Variants in SLC12A4 observed in about 807,000 individuals in gnomAD.
SLC12A4 encodes the protein electroneutral potassium-chloride cotransporter 1.
A neutral mutation model predicts 119.2 loss-of-function variants in SLC12A4; 84 were observed. That is an observed-to-expected ratio of 0.70 (90% CI 0.59 to 0.85). The LOEUF is 0.85. Ranked by LOEUF, SLC12A4 falls within the 40% of genes least tolerant of loss-of-function variation. The pLI, the probability that SLC12A4 is intolerant of heterozygous loss-of-function variation, is 0.00. For synonymous variants in SLC12A4, 599 were observed against 604.6 expected, an observed-to-expected ratio of 0.99 and a Z score of 0.14; for missense variants, 1,298 against 1,476.3, an observed-to-expected ratio of 0.88 and a Z score of 1.98.
chr16:67,966,855 G>T lies in SLC12A4; in HGVS notation c.115+1584C>A, dbSNP rs1344688952. 6.5e-6 allele frequency: 10 copies of T among 1,541,206 alleles called. No individual in the cohort carries two copies. The Admixed American group carries it at 1.8e-4, about 28-fold the overall frequency. The stretch of plus-strand genomic sequence containing the variant: ...GGAGGCAGTGGGAGGAGCTGGCCTA[G>T]CTTGCGGGGATCTAGCAGGACTCAG... On this transcript the variant is annotated intron_variant, in intron 1 of 23. Transcript: ENST00000316341.
At chr16:67,956,669 G>A (rs1023616341) in intron 5 of SLC12A4, among the ~76,000 whole-genome samples, 24 of 151,954 alleles carry the variant, frequency 1.6e-4, no homozygotes, top group African/African-American at 4.4e-4. Flanking sequence ...GGGTGACAGA[G>A]AGAGACTCTG....
chr16:67,958,131 C>A, intron 3 of SLC12A4, 87 bp from the exon 4 acceptor site: 1 of 1,457,256 alleles, frequency 6.9e-7, no homozygotes, highest in Non-Finnish European at 9.3e-7. Flanking sequence ...CAGGCCCCCT[C>A]CCCCAGTGGG....
In SLC12A4 at chr16:67,944,794, T is replaced by C. The variant is rs2058321224; in HGVS notation, c.*46A>G. 3 of 1,603,922 alleles carry C rather than the reference T, an allele frequency of 1.9e-6. No homozygotes were observed. The highest frequency in any genetic ancestry group is 2.5e-6 in the Non-Finnish European group (3 of 1,176,694). Reference sequence around the variant, plus strand: ...TGTTACCCCAGACCACAGCTTGTTATGTCCTGGCCAAGACCTCGACTCCAG... The same window carrying C: ...TGTTACCCCAGACCACAGCTTGTTACGTCCTGGCCAAGACCTCGACTCCAG... On this transcript the variant is annotated 3_prime_UTR_variant, in exon 24 of 24. Coordinates refer to ENST00000316341, the MANE Select transcript of SLC12A4 (RefSeq NM_005072.5). The surrounding 1 kb of genome is among the most constrained non-coding windows in gnomAD (Gnocchi z 6.6).
intron 1 of SLC12A4, among the ~76,000 whole-genome samples, 156 bp from the exon 2 acceptor site, chr16:67,963,715 C>T (rs2030706512): frequency 6.6e-6 from 1 of 152,230 alleles, no homozygotes; most frequent in Non-Finnish European, 1.5e-5. Flanking sequence ...CGTGCCAATG[C>T]TCTTGAAGGC....
At position 67,950,923 on chromosome 16, in the gene SLC12A4, G is replaced by T. The variant is rs764314356; in HGVS notation, c.1396+39C>A. On this transcript the variant is annotated intron_variant, in intron 10 of 23. Coordinates refer to ENST00000316341, the MANE Select transcript of SLC12A4 (RefSeq NM_005072.5). This position sits in a 1 kb window ranked among gnomAD's most constrained non-coding sequence, Gnocchi z 4.3. ...AACGTACACAGGCCAAGCGCTTCCC[G>T]TCCTCTGCCCCACCTGCCCCAGGCC... is the stretch of plus-strand genomic sequence containing the variant. 6.2e-7 allele frequency: 1 copy of T among 1,600,708 alleles called. No individual in the cohort carries two copies. The highest frequency in any genetic ancestry group is 8.6e-7 in the Non-Finnish European group (1 of 1,169,152).
intron 5 of SLC12A4, chr16:67,957,419 T>C (rs1042337621): frequency 2.2e-5 from 6 of 277,748 alleles, no homozygotes; most frequent in Non-Finnish European, 2.8e-5. Flanking sequence ...TCCACCCACC[T>C]CGGCCTCCCA....
intron 1 of SLC12A4, 139 bp downstream of exon 1, chr16:67,968,300 G>T: frequency 4.2e-6 from 3 of 712,132 alleles, no homozygotes; most frequent in South Asian, 2.6e-5. Context: ...CAGTGGCAGC[G>T]GCGCGGTCCA....
At chr16:67,959,310 C>A (rs914192863) in intron 3 of SLC12A4, among the ~76,000 whole-genome samples, 1 of 152,118 alleles carries the variant, frequency 6.6e-6, no homozygotes, top group African/African-American at 2.4e-5. Context: ...CCACTGGAGC[C>A]CCAGCAAAGC....
chr16:67,956,964 T>A (rs1319412071), intron 5 of SLC12A4, among the ~76,000 whole-genome samples: 1 of 151,954 alleles, frequency 6.6e-6, no homozygotes, highest in Non-Finnish European at 1.5e-5. Flanking sequence ...TGGGTGCTTT[T>A]AATTTTCCAT....
At chr16:67,955,473 G>C (rs894371009) in intron 5 of SLC12A4, among the ~76,000 whole-genome samples, 4 of 152,196 alleles carry the variant, frequency 2.6e-5, no homozygotes, top group Admixed American at 2.0e-4. Flanking sequence ...TGTAAGCCCA[G>C]CATTTTGGGA....
intron 5 of SLC12A4, 127 bp from the exon 6 acceptor site, chr16:67,954,900 G>C: frequency 8.6e-7 from 1 of 1,167,542 alleles, no homozygotes; most frequent in South Asian, 1.5e-5. Context: ...GATGAGTAGA[G>C]GGGCTGGGAG....
Position 67,951,822 on chromosome 16 carries a change from C to A in SLC12A4, c.1132+1G>T. 1 of 1,610,566 alleles carries A rather than the reference C, an allele frequency of 6.2e-7. No individual in the cohort carries two copies. The highest frequency in any genetic ancestry group is 8.5e-7 in the Non-Finnish European group (1 of 1,178,664). On this transcript the variant is annotated splice_donor_variant, in intron 8 of 23. Coordinates refer to ENST00000316341, the MANE Select transcript of SLC12A4 (RefSeq NM_005072.5). LOFTEE classifies it high-confidence loss of function. The surrounding 1 kb of genome is among the most constrained non-coding windows in gnomAD (Gnocchi z 5.2). ...GCAAGACGACGGGAGGGAGGACCCA[C>A]CCTGGAGCACACCAGCAGCTGCCCC...
rs1013804238 is a variant in SLC12A4 at position 67,952,415 on chromosome 16, G to A, written c.686C>T (p.Ala229Val). The change falls in exon 7 of 24, where the codon GCC becomes GTC. Residue 229 changes from alanine (A) to valine (V), a missense_variant. By Grantham distance (64) the Ala-to-Val change is moderately conservative. Coordinates refer to ENST00000316341, the MANE Select transcript of SLC12A4 (RefSeq NM_005072.5). ...GAIEILLTYI[A>V]PPAAIFYPSG... ...TGGGTAAAAAATGGCAGCTGGTGGG[G>A]CAATGTAGGTCTGAAACAAGAAGAT... is the stretch of plus-strand genomic sequence containing the variant. The A allele has an allele frequency of 1.5e-5, 24 of 1,614,000 alleles. No individual in the cohort carries two copies. The Admixed American group carries it at 3.2e-4, about 21-fold the overall frequency.
chr16:67,956,833 CATATATAT>C (rs3842354), intron 5 of SLC12A4, among the ~76,000 whole-genome samples: 6 of 149,206 alleles, frequency 4.0e-5, no homozygotes. Flanking sequence ...CACACACACA[CATATATAT>C]ATATATATAT....
intron 14 of SLC12A4, 130 bp from the exon 15 acceptor site, chr16:67,947,918 T>TA: frequency 6.8e-7 from 1 of 1,471,226 alleles, no homozygotes; most frequent in Admixed American, 1.8e-5. Context: ...TCACTGGGTG[T>TA]AAGACCTAGG....
At position 67,945,410 on chromosome 16, in the gene SLC12A4, G is replaced by A. The variant is rs1476524015; in HGVS notation, c.2991C>T (p.Ser997=). The A allele has an allele frequency of 6.2e-6, 10 of 1,613,908 alleles. No individual in the cohort carries two copies. Among genetic ancestry groups the A allele is most frequent in the Non-Finnish European group, 8.5e-6 (10 of 1,179,988 alleles). The change falls in exon 22 of 24, where the codon AGC becomes AGT. Residue 997 remains serine, a synonymous_variant. Transcript: ENST00000316341. ...GCTCCCGGAAATTGTCAGGGGCATG[G>A]CTGGGGTCCCAGGTCTCAGTCATGT... is the stretch of plus-strand genomic sequence containing the variant. ...DKYMTETWDP[S]HAPDNFRELV...
Position 67,946,964 on chromosome 16 carries a change from G to T in SLC12A4, c.2214C>A (p.Ser738Arg). 6.2e-7 allele frequency: 1 copy of T among 1,613,222 alleles called. No homozygotes were observed. ...GSVIQGSFLE[S>R]YGEAQAAEQT... is the part of the protein sequence containing the mutation. ...GCTCGGCGGCCTGAGCCTCGCCATA[G>T]CTCTCCAAGAAGCTCCCCTGGATGA... is the stretch of plus-strand genomic sequence containing the variant. Residue 738 changes from serine to arginine, a missense_variant, in exon 17 of 24, where the codon AGC becomes AGA. Ser to Arg is a moderately radical substitution (Grantham distance 110, BLOSUM62 -1). Transcript: ENST00000316341.
rs549831425 is a variant in SLC12A4, at chr16:67,944,256, G to A, written c.*584C>T. 7.7e-6 allele frequency: 11 copies of A among 1,425,644 alleles called. No individual in the cohort carries two copies. Among genetic ancestry groups the A allele is most frequent in the South Asian group, 7.5e-5 (5 of 66,396 alleles). The allele number at this position is 1,425,644 out of a possible 1,614,324, so 88.3% of individuals were successfully genotyped here. ...GAAAGGGGCACAGCCTCAGGGAGCC[G>A]GCTCTGGGCCTGGGTTCAGTTCCGC... On this transcript the variant is annotated 3_prime_UTR_variant, in exon 24 of 24. Coordinates refer to ENST00000316341, the MANE Select transcript of SLC12A4 (RefSeq NM_005072.5). This position sits in a 1 kb window ranked among gnomAD's most constrained non-coding sequence, Gnocchi z 6.6.
intron 6 of SLC12A4, among the ~76,000 whole-genome samples, chr16:67,953,343 T>C (rs1033164104): frequency 6.6e-6 from 1 of 152,150 alleles, no homozygotes; most frequent in Non-Finnish European, 1.5e-5. Flanking sequence ...GCTGTGATCA[T>C]GCCACTGCAC....
Sources: allele counts gnomAD v4.1 joint callset (sites outside exome capture counted in the v4.1 genomes callset), GRCh38; gene constraint gnomAD v4.1.1; non-coding constraint Gnocchi (gnomAD v3.1); transcripts MANE v1.5; gene names NCBI Gene and HGNC (gene_info 2026-07-23, HGNC 2026-07-21).